The following CCDC18 variants were observed in gnomAD, a reference collection of about 807,000 sequenced individuals.
CCDC18 encodes the protein coiled-coil domain containing 18.
Under a neutral mutation model 196.0 loss-of-function variants are expected in CCDC18, and 157 were observed. The observed-to-expected ratio is 0.80, with a 90% CI of 0.70 to 0.91. CCDC18 has a LOEUF of 0.91. Ranked by LOEUF, CCDC18 falls within the 40% of genes least tolerant of loss-of-function variation. The pLI is 0.00. For missense variants in CCDC18, 1,465 were observed against 1,611.6 expected (o/e 0.91, Z 1.56); for synonymous variants, 482 against 529.2 (o/e 0.91, Z 1.22).
At chr1:93,252,760 T>A (rs898284811) in intron 23 of CCDC18, among the ~76,000 whole-genome samples, 3 of 152,236 alleles carry the variant, frequency 2.0e-5, no homozygotes, top group African/African-American at 7.2e-5. Flanking sequence ...GTGCTTGTCC[T>A]TTTTGGGAGG....
chr1:93,183,336 C>T (rs762839094), intron 1 of CCDC18, 24 bp from the exon 2 acceptor site: 33 of 1,487,018 alleles, frequency 2.2e-5, no homozygotes, highest in Non-Finnish European at 2.8e-5. Context: ...AGACAAGGTA[C>T]AAGAAATTCA....
Position 93,192,075 on chromosome 1 carries a change from G to A in CCDC18, c.538G>A (p.Ala180Thr). The change falls in exon 5 of 29, where the codon GCA becomes ACA. Residue 180 changes from alanine (A) to threonine (T), a missense_variant. By Grantham distance (58) the Ala-to-Thr change is moderately conservative. Coordinates refer to ENST00000690025, the MANE Select transcript of CCDC18 (RefSeq NM_001378204.1). Reference sequence around the variant, plus strand: ...AGAAGAACAGATTATAAATTTGGAAGCAGAGGTTTCAGCTCAAGATAAAGT... The same window carrying A: ...AGAAGAACAGATTATAAATTTGGAAACAGAGGTTTCAGCTCAAGATAAAGT... ...ILEEQIINLE[A>T]EVSAQDKVLR... 1.2e-6 allele frequency: 2 copies of A among 1,613,294 alleles called. No homozygotes were observed. The highest frequency in any genetic ancestry group is 1.7e-4 in the Middle Eastern group (1 of 6,032).
At chr1:93,226,778 C>G (rs932656876) in intron 17 of CCDC18, among the ~76,000 whole-genome samples, 1 of 152,106 alleles carries the variant, frequency 6.6e-6, no homozygotes, top group Non-Finnish European at 1.5e-5. Flanking sequence ...AAGTGATCCA[C>G]CCACCTCGGC....
intron 24 of CCDC18, among the ~76,000 whole-genome samples, chr1:93,254,925 A>C (rs1181229730): frequency 7.1e-6 from 1 of 141,502 alleles, no homozygotes; most frequent in African/African-American, 2.5e-5. Flanking sequence ...GCTATGTAAT[A>C]GAATTGAGGA....
intron 14 of CCDC18, among the ~76,000 whole-genome samples, chr1:93,221,361 A>T (rs1318683896): frequency 6.6e-6 from 1 of 152,028 alleles, no homozygotes; most frequent in East Asian, 1.9e-4. Context: ...TTCGATTTGC[A>T]TTTCTTGAGC....
chr1:93,241,157 G>A (rs1020159501), intron 21 of CCDC18, among the ~76,000 whole-genome samples: 3 of 151,264 alleles, frequency 2.0e-5, no homozygotes, highest in Non-Finnish European at 2.9e-5. Context: ...GTTTCACCAC[G>A]TTGGCCAGAC....
At chr1:93,255,321 A>G (rs945514449) in intron 24 of CCDC18, among the ~76,000 whole-genome samples, 11 of 152,278 alleles carry the variant, frequency 7.2e-5, no homozygotes, top group Non-Finnish European at 1.6e-4. Flanking sequence ...GGATAAATAA[A>G]TAATTGTACA....
chr1:93,264,551 TC>T, intron 26 of CCDC18, 149 bp from the exon 27 acceptor site: 1 of 534,534 alleles, frequency 1.9e-6, no homozygotes, highest in South Asian at 2.8e-5. Context: ...CCTCTAGTAT[TC>T]ATTGAGAAAT....
rs775019586 is a variant in CCDC18 at position 93,264,876 on chromosome 1, C to T, written c.3860C>T (p.Ala1287Val). The T allele has an allele frequency of 2.5e-6, 4 of 1,611,030 alleles. No homozygotes were observed. In the African/African-American group the frequency reaches 5.3e-5, roughly 22 times the overall value. The stretch of plus-strand genomic sequence containing the variant: ...CAAGATAGGAATGAAGTAATTGAAG[C>T]TGCAAATGAAGCATTACTTACTAAA... ...QVQDRNEVIE[A>V]ANEALLTKES... The change falls in exon 27 of 29, where the codon GCT becomes GTT. Residue 1287 changes from alanine (A) to valine (V), a missense_variant. Coordinates refer to ENST00000690025, the MANE Select transcript of CCDC18 (RefSeq NM_001378204.1).
chr1:93,264,688 T>C lies in CCDC18; in HGVS notation c.3685-13T>C. The C allele has an allele frequency of 1.3e-6, 2 of 1,517,492 alleles. No individual in the cohort carries two copies. Among genetic ancestry groups the C allele is most frequent in the South Asian group, 1.2e-5 (1 of 82,158 alleles). The allele number at this position is 1,517,492 out of a possible 1,614,324, so 94.0% of individuals were successfully genotyped here. ...TTTTATTTTTTTTCTTTTCCAATTC[T>C]GGGGCTATATAGATGATTTCACATC... On this transcript the variant is annotated splice_polypyrimidine_tract_variant and intron_variant, in intron 26 of 28. Transcript: ENST00000690025.
At chr1:93,267,953 G>A (rs775907158) in intron 27 of CCDC18, among the ~76,000 whole-genome samples, 1 of 151,952 alleles carries the variant, frequency 6.6e-6, no homozygotes, top group South Asian at 2.1e-4. Context: ...AGTTCATATG[G>A]AACCAAAAAA....
chr1:93,180,346 T>C, upstream of CCDC18: 2 of 1,390,104 alleles, frequency 1.4e-6, no homozygotes, highest in Non-Finnish European at 9.7e-7. Context: ...ATCTGGAGTC[T>C]GAAGAAACTC....
In CCDC18 at chr1:93,205,471, A is replaced by G. The variant is rs371999565; in HGVS notation, c.796-39A>G. ...TTTTAGCTTGAAACACCTAAAACTT[A>G]CAACCACATTAGTATGTCCACTTAA... is the stretch of plus-strand genomic sequence containing the variant. On this transcript the variant is annotated intron_variant, in intron 7 of 28. Coordinates refer to ENST00000690025, the MANE Select transcript of CCDC18 (RefSeq NM_001378204.1). 5 of 1,539,070 alleles carry G rather than the reference A, an allele frequency of 3.2e-6. No individual in the cohort carries two copies. The African/African-American group carries it at 4.2e-5, about 13-fold the overall frequency.
chr1:93,221,795 T>C lies in CCDC18; in HGVS notation c.2097+52T>C, dbSNP rs769768069. 11 of 1,588,764 alleles carry C rather than the reference T, an allele frequency of 6.9e-6. No individual in the cohort carries two copies. The South Asian group carries it at 7.0e-5, about 10-fold the overall frequency. Reference sequence around the variant, plus strand: ...TTTAGAAGTTGACTAATATTTTATGTCTCTATAACTTGCCTTTAAATCTAA... The same window carrying C: ...TTTAGAAGTTGACTAATATTTTATGCCTCTATAACTTGCCTTTAAATCTAA... On this transcript the variant is annotated intron_variant, in intron 15 of 28. Transcript: ENST00000690025.
At chr1:93,197,727 C>T (rs1049527652) in intron 6 of CCDC18, among the ~76,000 whole-genome samples, 1 of 149,698 alleles carries the variant, frequency 6.7e-6, no homozygotes, top group African/African-American at 2.5e-5. Flanking sequence ...TGAAACTCTC[C>T]TGCATTTCTT....
At chr1:93,248,473 TTGTG>T (rs1661789953) in intron 23 of CCDC18, among the ~76,000 whole-genome samples, 1 of 152,212 alleles carries the variant, frequency 6.6e-6, no homozygotes. Context: ...GTTTAATGAT[TTGTG>T]TATGTTGAAC....
At chr1:93,227,957 C>CAAAAAAAAAAA (rs71586784) in intron 17 of CCDC18, among the ~76,000 whole-genome samples, 1 of 105,182 alleles carries the variant, frequency 9.5e-6, no homozygotes, top group African/African-American at 3.5e-5. Context: ...GACCCTATCT[C>CAAAAAAAAAAA]AAAAAAAAAA....
intron 6 of CCDC18, among the ~76,000 whole-genome samples, chr1:93,200,712 T>C (rs1317464953): frequency 1.3e-5 from 2 of 152,212 alleles, no homozygotes; most frequent in African/African-American, 4.8e-5. Context: ...TGAAGATTCA[T>C]TAAAACGTGA....
intron 11 of CCDC18, among the ~76,000 whole-genome samples, chr1:93,213,031 A>C (rs992456999): frequency 1.3e-5 from 2 of 152,150 alleles, no homozygotes; most frequent in African/African-American, 4.8e-5. Flanking sequence ...GCGCATGTGC[A>C]GTTCATAATA....
Sources: allele counts gnomAD v4.1 joint callset (sites outside exome capture counted in the v4.1 genomes callset), GRCh38; gene constraint gnomAD v4.1.1; transcripts MANE v1.5; gene names NCBI Gene and HGNC (gene_info 2026-07-23, HGNC 2026-07-21).